Variants in SGPP1 observed in about 807,000 individuals in gnomAD.
SGPP1 encodes the protein sphingosine-1-phosphate phosphatase 1.
In SGPP1, 21 loss-of-function variants were observed where a neutral mutation model predicts 33.0. The ratio of observed to expected loss-of-function variants is 0.64; its 90% confidence interval spans 0.45 to 0.92. The LOEUF (loss-of-function observed/expected upper bound fraction) is 0.92. SGPP1 is among the 40% of genes least tolerant of loss of function. SGPP1 has a pLI of 0.00. For synonymous variants in SGPP1, 239 were observed against 241.2 expected (o/e 0.99, Z 0.08); for missense variants, 543 against 589.4 (o/e 0.92, Z 0.81).
Position 63,727,825 on chromosome 14 carries a change from C to T in SGPP1, c.120G>A (p.Arg40=). The T allele has an allele frequency of 1.3e-6, 2 of 1,509,902 alleles. No individual in the cohort carries two copies. Among genetic ancestry groups the T allele is most frequent in the Non-Finnish European group, 1.8e-6 (2 of 1,135,458 alleles). The allele number at this position is 1,509,902 out of a possible 1,614,324, so 93.5% of individuals were successfully genotyped here. A position where few individuals can be genotyped will look rare whatever the true frequency, so the allele number is the denominator to read the frequency against. Residue 40 remains arginine, a synonymous_variant, in exon 1 of 3, where the codon AGG becomes AGA. Transcript: ENST00000247225. ...EAPPRRSADR[R]EDEKAEAPLA... The stretch of plus-strand genomic sequence containing the variant: ...GAGGCGCCTCCGCTTTCTCATCCTC[C>T]CTCCGGTCTGCTGAGCGGCGCGGCG...
Position 63,727,667 on chromosome 14 carries a change from A to G in SGPP1, c.278T>C (p.Leu93Pro). The change falls in exon 1 of 3, where the codon CTG becomes CCG. Residue 93 changes from leucine to proline, a missense_variant. By Grantham distance (98) the Leu-to-Pro change is moderately conservative. Coordinates refer to ENST00000247225, the MANE Select transcript of SGPP1 (RefSeq NM_030791.4). ...GGAPNGVRNG[L>P]AAELGPASPR... ...CGAGGCCGGGCCCAGCTCGGCCGCC[A>G]GCCCGTTCCGCACGCCGTTGGGGGC... 7.5e-7 allele frequency: 1 copy of G among 1,338,694 alleles called. No individual in the cohort carries two copies. The highest frequency in any genetic ancestry group is 9.5e-7 in the Non-Finnish European group (1 of 1,052,706). 82.9% of individuals were successfully genotyped at this position (1,338,694 alleles called of 1,614,324 possible).
Position 63,697,953 on chromosome 14 carries a change from G to C in SGPP1, c.774+616C>G, listed in dbSNP as rs78019066. On this transcript the variant is annotated intron_variant, in intron 2 of 2. Coordinates refer to ENST00000247225, the MANE Select transcript of SGPP1 (RefSeq NM_030791.4). ...ATTAAGATGCTATCACAGTAATCTG[G>C]TCAAGATATGTTGCAGGCCAGAGCT... Among the ~76,000 whole-genome samples, 1,145 of 152,264 alleles carry C rather than the reference G, an allele frequency of 7.5e-3. 13 individuals are homozygous for C. The highest frequency in any genetic ancestry group is 0.026 in the African/African-American group (1,096 of 41,542).
At chr14:63,723,079 C>A (rs1885808591) in intron 1 of SGPP1, among the ~76,000 whole-genome samples, 1 of 151,096 alleles carries the variant, frequency 6.6e-6, no homozygotes, top group South Asian at 2.1e-4. Flanking sequence ...TCAAGTCAAA[C>A]AGAGCTTTAA....
intron 2 of SGPP1, among the ~76,000 whole-genome samples, chr14:63,696,710 G>A (rs1885194247): frequency 6.6e-6 from 1 of 152,152 alleles, no homozygotes; most frequent in Admixed American, 6.5e-5. Flanking sequence ...TTAGGGCTGG[G>A]CGCAGTGGCT....
Position 63,686,616 on chromosome 14 carries a change from G to A in SGPP1, c.815C>T (p.Ala272Val), listed in dbSNP as rs754149913. 6.2e-7 allele frequency: 1 copy of A among 1,613,178 alleles called. No individual in the cohort carries two copies. ...AGFLYTILIL[A>V]VFYPFVDLID... is the part of the protein sequence containing the mutation. ...CAGGTCCACAAATGGATAGAAGACA[G>A]CTAAGATTAAAATGGTATATAGGAA... Residue 272 changes from alanine (A) to valine (V), a missense_variant, in exon 3 of 3, where the codon GCT (alanine) becomes GTT (valine). By Grantham distance (64) the Ala-to-Val change is moderately conservative (BLOSUM62 0). Transcript: ENST00000247225.
chr14:63,688,351 A>G (rs1885026893), intron 2 of SGPP1, among the ~76,000 whole-genome samples: 1 of 151,212 alleles, frequency 6.6e-6, no homozygotes, highest in Non-Finnish European at 1.5e-5. Flanking sequence ...AAATTTTAAA[A>G]GAATTGACAA....
rs1884989059 is a variant in SGPP1, at chr14:63,686,753, C to T, written c.775-97G>A. On this transcript the variant is annotated intron_variant, in intron 2 of 2. Coordinates refer to ENST00000247225, the MANE Select transcript of SGPP1 (RefSeq NM_030791.4). ...TTTGACATTTCAAATGTTGAATATA[C>T]ATAAATTTTTTAAAGTTGTCAAATT... The T allele has an allele frequency of 8.9e-6, 8 of 897,794 alleles. No individual in the cohort carries two copies. The Admixed American group carries it at 9.6e-5, about 11-fold the overall frequency. The allele number at this position is 897,794 out of a possible 1,614,324, so 55.6% of individuals were successfully genotyped here.
intron 1 of SGPP1, among the ~76,000 whole-genome samples, chr14:63,704,643 T>C (rs1358152412): frequency 2.0e-5 from 3 of 152,024 alleles, no homozygotes; most frequent in African/African-American, 7.3e-5. Context: ...TGAGCCCAGG[T>C]GTTCAAGACC....
chr14:63,726,558 C>G (rs1437815456), intron 1 of SGPP1, among the ~76,000 whole-genome samples: 2 of 152,050 alleles, frequency 1.3e-5, no homozygotes, highest in Non-Finnish European at 2.9e-5. Context: ...ACTTTTAAAC[C>G]ATGCATTTTT....
At chr14:63,717,383 C>T (rs1329649483) in intron 1 of SGPP1, among the ~76,000 whole-genome samples, 1 of 149,976 alleles carries the variant, frequency 6.7e-6, no homozygotes, top group Non-Finnish European at 1.5e-5. Flanking sequence ...GGCATGATAT[C>T]CGTTATCGGC....
chr14:63,696,299 A>C (rs145335517), intron 2 of SGPP1, among the ~76,000 whole-genome samples: 1 of 152,288 alleles, frequency 6.6e-6, no homozygotes, highest in Admixed American at 6.5e-5. Context: ...AAGCAAACAA[A>C]ACCAGTATCT....
intron 1 of SGPP1, among the ~76,000 whole-genome samples, chr14:63,711,186 T>G (rs1885515442): frequency 6.6e-6 from 1 of 152,052 alleles, no homozygotes; most frequent in Admixed American, 6.6e-5. Flanking sequence ...GCTAATTTTT[T>G]GTAATTTTAG....
At chr14:63,697,232 C>A (rs568493390) in intron 2 of SGPP1, among the ~76,000 whole-genome samples, 1 of 152,146 alleles carries the variant, frequency 6.6e-6, no homozygotes, top group African/African-American at 2.4e-5. Flanking sequence ...ACAGCACACA[C>A]TGCCTCCCAA....
At chr14:63,711,733 T>C (rs1024824841) in intron 1 of SGPP1, among the ~76,000 whole-genome samples, 7 of 152,288 alleles carry the variant, frequency 4.6e-5, no homozygotes, top group African/African-American at 1.7e-4. Context: ...TTGATCATTT[T>C]TGATCAAAAG....
intron 1 of SGPP1, among the ~76,000 whole-genome samples, chr14:63,699,292 GTA>G (rs758697801): frequency 2.0e-5 from 3 of 152,284 alleles, no homozygotes; most frequent in Admixed American, 6.5e-5. Context: ...ACAATTCTTG[GTA>G]TCAATGGCAC....
At chr14:63,722,842 TG>T (rs1885801750) in intron 1 of SGPP1, among the ~76,000 whole-genome samples, 1 of 151,378 alleles carries the variant, frequency 6.6e-6, no homozygotes, top group Admixed American at 6.6e-5. Flanking sequence ...GGTGGTAGTG[TG>T]TGCCTGTGGT....
At chr14:63,703,398 T>A (rs533104497) in intron 1 of SGPP1, among the ~76,000 whole-genome samples, 10 of 152,080 alleles carry the variant, frequency 6.6e-5, no homozygotes, top group Non-Finnish European at 1.2e-4. Flanking sequence ...TTCATGCCTA[T>A]AATCCCAGCA....
chr14:63,704,422 T>C (rs537669458), intron 1 of SGPP1, among the ~76,000 whole-genome samples: 6 of 152,314 alleles, frequency 3.9e-5, no homozygotes, highest in Admixed American at 3.3e-4. Context: ...AGGTAAAGAA[T>C]AGTCTCTTTA....
At chr14:63,718,977 CATATATATATATAT>C (rs1221455081) in intron 1 of SGPP1, among the ~76,000 whole-genome samples, 1,226 of 26,966 alleles carry the variant, frequency 0.045, 49 homozygotes, top group African/African-American at 0.06. Flanking sequence ...TATGTATATA[CATATATATATATAT>C]ATATATATAT....
Sources: allele counts gnomAD v4.1 joint callset (sites outside exome capture counted in the v4.1 genomes callset), GRCh38; gene constraint gnomAD v4.1.1; transcripts MANE v1.5; gene names NCBI Gene and HGNC (gene_info 2026-07-23, HGNC 2026-07-21).